Variants in TEK observed in about 807,000 individuals in gnomAD.
TEK encodes TEK receptor tyrosine kinase, also known as angiopoietin-1 receptor.
Under a neutral mutation model 131.8 loss-of-function variants are expected in TEK, and 43 were observed. The ratio of observed to expected loss-of-function variants is 0.33; its 90% confidence interval spans 0.26 to 0.42. The LOEUF (loss-of-function observed/expected upper bound fraction) is 0.42. TEK is among the 10% of genes least tolerant of loss of function. The probability of loss-of-function intolerance (pLI) is 1.00; values close to 1 mark genes in which losing one functional copy is unlikely to be tolerated. For synonymous variants in TEK, 580 were observed against 491.6 expected, an observed-to-expected ratio of 1.18 and a Z score of -2.38; for missense variants, 1,162 against 1,384.4, an observed-to-expected ratio of 0.84 and a Z score of 2.55.
At chr9:27,117,793 G>C (rs115231430) in intron 1 of TEK, among the ~76,000 whole-genome samples, 2,087 of 152,232 alleles carry the variant, frequency 0.014, 43 homozygotes, top group African/African-American at 0.047. Flanking sequence ...CCTTGCCCAG[G>C]GCTTGACCAG....
rs1244287671 is a variant in TEK, at chr9:27,218,127, C to CCGTTGGG, written c.3062+369_3062+370insCGTTGGG. 9.4e-4 allele frequency among the ~76,000 whole-genome samples: 31 copies of CCGTTGGG among 33,002 alleles called. 1 individual carries two copies. The highest frequency in any genetic ancestry group is 1.3e-3 in the Admixed American group (6 of 4,560). The allele number at this position is 33,002 out of a possible 152,430, so 21.7% of individuals were successfully genotyped here. A position where few individuals can be genotyped will look rare whatever the true frequency, so the allele number is the denominator to read the frequency against. On this transcript the variant is annotated intron_variant, in intron 19 of 22. Transcript: ENST00000380036. ...CTGCTGGGGACAAAATAAGGCCAGA[C>CCGTTGGG]AGTGGCGGGGGTCGTCTCTGCTTGC...
intron 9 of TEK, among the ~76,000 whole-genome samples, chr9:27,188,075 A>G (rs1403226882): frequency 6.6e-6 from 1 of 152,166 alleles, no homozygotes; most frequent in Admixed American, 6.5e-5. Flanking sequence ...GTATGGATGA[A>G]TCTTGCAAAC....
chr9:27,218,381 G>A (rs777469058), intron 19 of TEK, among the ~76,000 whole-genome samples: 1 of 152,072 alleles, frequency 6.6e-6, no homozygotes, highest in Non-Finnish European at 1.5e-5. Flanking sequence ...TTGAGGCAGG[G>A]ATTATTGTCC....
rs753116146 is a variant in TEK at position 27,183,464 on chromosome 9, C to T, written c.1036C>T (p.Gln346Ter). 1.2e-6 allele frequency: 2 copies of T among 1,613,712 alleles called. No homozygotes were observed. The highest frequency in any genetic ancestry group is 8.5e-7 in the Non-Finnish European group (1 of 1,179,724). The change falls in exon 8 of 23, where the codon CAG (glutamine) becomes TAG (stop). Residue 346 changes from glutamine (Q) to a stop codon, truncating the protein, a stop_gained. Coordinates refer to ENST00000380036, the MANE Select transcript of TEK (RefSeq NM_000459.5). LOFTEE classifies it high-confidence loss of function. ...QGLQCEREGI[Q>*]RMTPKIVDLP... is the part of the protein sequence containing the mutation. ...GTGCTGTTTTCTTCCTTCAGGCATA[C>T]AGAGGATGACCCCAAAGATAGTGGA... is the stretch of plus-strand genomic sequence containing the variant.
intron 11 of TEK, among the ~76,000 whole-genome samples, chr9:27,196,138 C>G (rs1488762489): frequency 1.3e-5 from 2 of 152,216 alleles, no homozygotes; most frequent in Non-Finnish European, 2.9e-5. Flanking sequence ...ATCCCATAAC[C>G]TTGGCAAATC....
intron 20 of TEK, 109 bp downstream of exon 20, chr9:27,218,926 AC>A: frequency 1.9e-6 from 2 of 1,080,592 alleles, no homozygotes; most frequent in Non-Finnish European, 2.9e-6. Context: ...ATGTGGTTCT[AC>A]CAGATGTGAC....
At chr9:27,223,557 C>G (rs1826178566) in intron 21 of TEK, among the ~76,000 whole-genome samples, 1 of 152,196 alleles carries the variant, frequency 6.6e-6, no homozygotes, top group East Asian at 1.9e-4. Context: ...TAAAGATGTT[C>G]TCTGAAACCA....
intron 1 of TEK, among the ~76,000 whole-genome samples, chr9:27,135,390 G>A (rs1332450935): frequency 6.6e-6 from 1 of 151,996 alleles, no homozygotes; most frequent in Non-Finnish European, 1.5e-5. Flanking sequence ...TGCCACCTTA[G>A]GAGGGTCTAG....
At chr9:27,213,623 C>G in intron 18 of TEK, 26 bp downstream of exon 18, 1 of 1,552,054 alleles carries the variant, frequency 6.4e-7, no homozygotes, top group Non-Finnish European at 8.9e-7. Context: ...AGACACTGAT[C>G]GCATCCTTTC....
intron 5 of TEK, 104 bp downstream of exon 5, chr9:27,172,851 C>T (rs1824009649): frequency 3.4e-6 from 5 of 1,477,922 alleles, no homozygotes; most frequent in Non-Finnish European, 4.7e-6. Context: ...GCTAAATGGC[C>T]TCTGTTAGGT....
intron 1 of TEK, among the ~76,000 whole-genome samples, chr9:27,133,259 T>C (rs1822290170): frequency 6.6e-6 from 1 of 152,210 alleles, no homozygotes; most frequent in African/African-American, 2.4e-5. Flanking sequence ...CAATATTTGT[T>C]AATGAAAAAA....
chr9:27,168,644 A>T, intron 3 of TEK, 39 bp downstream of exon 3: 1 of 1,357,196 alleles, frequency 7.4e-7, no homozygotes, highest in Non-Finnish European at 1.0e-6. Context: ...GTATGATGTG[A>T]GATATCAGAT....
At chr9:27,181,384 CAT>C (rs1465320981) in intron 7 of TEK, among the ~76,000 whole-genome samples, 3 of 152,152 alleles carry the variant, frequency 2.0e-5, no homozygotes, top group East Asian at 1.9e-4. Flanking sequence ...AAAAAATCCA[CAT>C]GTCAGTGGAC....
At chr9:27,217,477 A>G (rs1365306170) in intron 18 of TEK, among the ~76,000 whole-genome samples, 1 of 151,956 alleles carries the variant, frequency 6.6e-6, no homozygotes, top group East Asian at 1.9e-4. Flanking sequence ...ACTTCCATTC[A>G]TATAACGCTG....
chr9:27,137,246 G>A (rs1180752789), intron 1 of TEK, among the ~76,000 whole-genome samples: 2 of 152,010 alleles, frequency 1.3e-5, no homozygotes, highest in Non-Finnish European at 2.9e-5. Context: ...AAACTTCACG[G>A]ATATTTTCAT....
intron 2 of TEK, among the ~76,000 whole-genome samples, chr9:27,164,923 G>C (rs1823672226): frequency 6.6e-6 from 1 of 152,166 alleles, no homozygotes; most frequent in Non-Finnish European, 1.5e-5. Flanking sequence ...TTATGGCCTA[G>C]TCAAGTCACA....
At chr9:27,220,318 A>T (rs1160943432) in intron 21 of TEK, among the ~76,000 whole-genome samples, 173 bp downstream of exon 21, 1 of 152,224 alleles carries the variant, frequency 6.6e-6, no homozygotes, top group African/African-American at 2.4e-5. Flanking sequence ...TATATAATAC[A>T]CAAGAAGTAT....
intron 1 of TEK, among the ~76,000 whole-genome samples, chr9:27,140,394 A>C (rs1822678846): frequency 7.5e-6 from 1 of 133,882 alleles, no homozygotes; most frequent in African/African-American, 2.7e-5. Flanking sequence ...ATTAGCAAAA[A>C]AGAAAAAAAA....
At chr9:27,168,680 C>A (rs1327238102) in intron 3 of TEK, 75 bp downstream of exon 3, 18 of 1,142,564 alleles carry the variant, frequency 1.6e-5, no homozygotes, top group Non-Finnish European at 2.1e-5. Context: ...GAATCATTTT[C>A]CTATTGTGGT....
Sources: gnomAD v4.1 joint callset for allele counts (sites outside exome capture counted in the v4.1 genomes callset) on GRCh38, gnomAD v4.1.1 for gene constraint, MANE v1.5 for transcripts, NCBI Gene and HGNC (gene_info 2026-07-23, HGNC 2026-07-21) for gene names.